Variants in F10 observed in about 807,000 individuals in gnomAD.
F10 encodes Stuart-Prower factor.
F10 carries 29 observed loss-of-function variants against 37.1 expected under a neutral mutation model. The observed-to-expected ratio is 0.78, with a 90% confidence interval of 0.58 to 1.07. The LOEUF (loss-of-function observed/expected upper bound fraction) is 1.07. F10 is among the 50% of genes least tolerant of loss of function. The probability of loss-of-function intolerance (pLI) is 0.00; values close to 1 mark genes in which losing one functional copy is unlikely to be tolerated. For missense variants in F10, 539 were observed against 667.9 expected, an observed-to-expected ratio of 0.81 and a Z score of 2.13; for synonymous variants, 262 against 268.6, an observed-to-expected ratio of 0.98 and a Z score of 0.24.
intron 6 of F10, among the ~76,000 whole-genome samples, chr13:113,145,237 G>C (rs1442035598): frequency 1.3e-5 from 2 of 152,076 alleles, no homozygotes; most frequent in Non-Finnish European, 1.5e-5. Flanking sequence ...TGTTGGCCAG[G>C]CTGGTCTCAA....
chr13:113,133,097 G>A (rs1224942011), intron 2 of F10, among the ~76,000 whole-genome samples: 1 of 152,096 alleles, frequency 6.6e-6, no homozygotes, highest in African/African-American at 2.4e-5. Flanking sequence ...AAAAAGCAGT[G>A]TTTCAAGGGA....
At chr13:113,124,703 T>A (rs1032107097) in intron 1 of F10, among the ~76,000 whole-genome samples, 1 of 152,218 alleles carries the variant, frequency 6.6e-6, no homozygotes, top group African/African-American at 2.4e-5. Context: ...GTCACGGAAG[T>A]TCTTCTGGGG....
At chr13:113,128,777 C>T (rs901328649) in intron 1 of F10, 1 of 151,962 alleles carries the variant, frequency 6.6e-6, no homozygotes, top group African/African-American at 2.4e-5. Flanking sequence ...GTAGAATCTC[C>T]TCCTGAGGCA....
At position 113,129,497 on chromosome 13, in the gene F10, C is replaced by A. The variant is rs775307863; in HGVS notation, c.116C>A (p.Thr39Lys). 1.2e-6 allele frequency: 2 copies of A among 1,613,968 alleles called. No homozygotes were observed. Among genetic ancestry groups the A allele is most frequent in the Non-Finnish European group, 1.7e-6 (2 of 1,180,026 alleles). Residue 39 changes from threonine to lysine, a missense_variant, in exon 2 of 8, where the codon ACG (threonine) becomes AAG (lysine). Thr to Lys is a moderately conservative substitution (Grantham distance 78). Around this residue, in one of 2 missense-constraint regions of F10, gnomAD observed 130 missense variants for 120.0 expected, o/e 1.08. Coordinates refer to ENST00000375559, the MANE Select transcript of F10 (RefSeq NM_000504.4). ...GCCAACAACATCCTGGCGAGGGTCA[C>A]GAGGGCCAATTCCTTTCTTGAAGAG... ...EQANNILARV[T>K]RANSFLEEMK...
chr13:113,142,773 A>T lies in F10; in HGVS notation c.503-1078A>T, dbSNP rs1323627264. ...AAACCCTGTCTCTATAAAAAAAAAA[A>T]TACAAAAACTTAGCTGGGCGTGGTG... On this transcript the variant is annotated intron_variant, in intron 5 of 7. Transcript: ENST00000375559. 1.5e-4 allele frequency among the ~76,000 whole-genome samples: 19 copies of T among 127,692 alleles called. No homozygotes were observed. The East Asian group carries it at 3.9e-3, about 26-fold the overall frequency. The allele number at this position is 127,692 out of a possible 152,430, so 83.8% of individuals were successfully genotyped here.
chr13:113,142,275 C>T (rs1248116069), intron 5 of F10, among the ~76,000 whole-genome samples: 3 of 152,176 alleles, frequency 2.0e-5, no homozygotes, highest in African/African-American at 7.2e-5. Flanking sequence ...GGTGCAGTAG[C>T]TCATGCCTGT....
intron 2 of F10, among the ~76,000 whole-genome samples, chr13:113,133,989 A>G (rs1595090844): frequency 6.6e-6 from 1 of 152,344 alleles, no homozygotes; most frequent in East Asian, 1.9e-4. Context: ...GATTTTATAA[A>G]AAACCTATCA....
rs771556581 is a variant in F10, at chr13:113,143,578, C to T, written c.503-273C>T. Reference sequence around the variant, plus strand: ...GGTGCATTTTCAGGCAAACCGCAGACGCCAACACTCCCCTCGCTGCCTGGG... The same window carrying T: ...GGTGCATTTTCAGGCAAACCGCAGATGCCAACACTCCCCTCGCTGCCTGGG... On this transcript the variant is annotated intron_variant, in intron 5 of 7. Coordinates refer to ENST00000375559, the MANE Select transcript of F10 (RefSeq NM_000504.4). This position sits in a 1 kb window ranked among gnomAD's most constrained non-coding sequence, Gnocchi z 6.8. Among the ~76,000 whole-genome samples, 23 of 152,300 alleles carry T rather than the reference C, an allele frequency of 1.5e-4. No homozygotes were observed. The highest frequency in any genetic ancestry group is 4.3e-4 in the African/African-American group (18 of 41,570).
chr13:113,142,136 TA>T (rs2036534133), intron 5 of F10, among the ~76,000 whole-genome samples: 1 of 152,260 alleles, frequency 6.6e-6, no homozygotes, highest in Non-Finnish European at 1.5e-5. Context: ...CTGACCTTGC[TA>T]CTGGCAATGA....
intron 7 of F10, among the ~76,000 whole-genome samples, chr13:113,148,345 A>ATATATATATATATAT (rs1555396301): frequency 3.1e-5 from 3 of 95,416 alleles, no homozygotes; most frequent in East Asian, 8.5e-4. Flanking sequence ...AAAAAAAAAA[A>ATATATATATATATAT]ATATATATAT....
At chr13:113,145,713 A>G (rs998020250) in intron 6 of F10, among the ~76,000 whole-genome samples, 3 of 152,204 alleles carry the variant, frequency 2.0e-5, no homozygotes, top group Non-Finnish European at 4.4e-5. Context: ...CACGTCTTAC[A>G]TGGCGGCAGC....
Position 113,140,962 on chromosome 13 carries a change from G to A in F10, c.414G>A (p.Gln138=). 3 of 1,614,136 alleles carry A rather than the reference G, an allele frequency of 1.9e-6. No homozygotes were observed. The highest frequency in any genetic ancestry group is 1.7e-6 in the Non-Finnish European group (2 of 1,180,042). Residue 138 remains glutamine, a synonymous_variant, in exon 5 of 8, where the codon CAG becomes CAA. Transcript: ENST00000375559. Reference sequence around the variant, plus strand: ...GCCTGGACAACGGGGACTGTGACCAGTTCTGCCACGAGGAACAGAACTCTG... The same window carrying A: ...GCCTGGACAACGGGGACTGTGACCAATTCTGCCACGAGGAACAGAACTCTG... ...LCSLDNGDCD[Q]FCHEEQNSVV...
In F10 at chr13:113,149,068, C is replaced by G. The variant is rs201421020; in HGVS notation, c.1018C>G (p.Pro340Ala). 1 of 1,613,306 alleles carries G rather than the reference C, an allele frequency of 6.2e-7. No homozygotes were observed. Among genetic ancestry groups the G allele is most frequent in the Non-Finnish European group, 8.5e-7 (1 of 1,180,014 alleles). The change falls in exon 8 of 8, where the codon CCT becomes GCT. Residue 340 changes from proline to alanine, a missense_variant. By Grantham distance (27) the Pro-to-Ala change is conservative (BLOSUM62 -1). Transcript: ENST00000375559. This position sits in a 1 kb window ranked among gnomAD's most constrained non-coding sequence, Gnocchi z 7.5. ...TPITFRMNVA[P>A]ACLPERDWAE... is the part of the protein sequence containing the mutation. Reference sequence around the variant, plus strand: ...CATCACCTTCCGCATGAACGTGGCGCCTGCCTGCCTCCCCGAGCGTGACTG... The same window carrying G: ...CATCACCTTCCGCATGAACGTGGCGGCTGCCTGCCTCCCCGAGCGTGACTG...
At chr13:113,131,491 G>A (rs902371776) in intron 2 of F10, 1 of 152,780 alleles carries the variant, frequency 6.5e-6, no homozygotes, top group South Asian at 2.1e-4. Context: ...TGTGGTAGAA[G>A]AGCTTGAAAA....
At chr13:113,130,619 C>T (rs2036424885) in intron 2 of F10, 3 of 152,272 alleles carry the variant, frequency 2.0e-5, no homozygotes, top group Admixed American at 6.5e-5. Flanking sequence ...TACAGGTCCC[C>T]CAGCGCAGGC....
intron 1 of F10, among the ~76,000 whole-genome samples, chr13:113,127,206 AAAT>A (rs1359578183): frequency 6.6e-6 from 1 of 152,166 alleles, no homozygotes; most frequent in South Asian, 2.1e-4. Flanking sequence ...TGCCAATAAT[AAAT>A]AATAAGTGAC....
chr13:113,140,493 A>T (rs2036517526), intron 4 of F10: 1 of 474,802 alleles, frequency 2.1e-6, no homozygotes, highest in South Asian at 1.5e-5. Context: ...TCCCTGGAAC[A>T]CCATTTGGTA....
In F10 at chr13:113,139,448, C is replaced by T. The variant is rs747030511; in HGVS notation, c.348C>T (p.Phe116=). Residue 116 remains phenylalanine (F), a synonymous_variant, in exon 4 of 8, where the codon TTC becomes TTT. Transcript: ENST00000375559. This position sits in a 1 kb window ranked among gnomAD's most constrained non-coding sequence, Gnocchi z 5.2. ...GEYTCTCLEG[F]EGKNCELFTR... is the part of the protein sequence containing the mutation. The stretch of plus-strand genomic sequence containing the variant: ...ACACCTGCACCTGTTTAGAAGGATT[C>T]GAAGGCAAAAACTGTGAATTATGTA... 56 of 1,613,698 alleles carry T rather than the reference C, an allele frequency of 3.5e-5. No individual in the cohort carries two copies. Among genetic ancestry groups the T allele is most frequent in the Middle Eastern group, 1.6e-4 (1 of 6,082 alleles).
At position 113,135,418 on chromosome 13, in the gene F10, C is replaced by T. The variant is rs2036469499; in HGVS notation, c.232-3039C>T. Among the ~76,000 whole-genome samples, 3 of 152,282 alleles carry T rather than the reference C, an allele frequency of 2.0e-5. No homozygotes were observed. In the South Asian group the frequency reaches 6.2e-4, roughly 32 times the overall value. ...AAGTCCTCCAAGATCAAGAAACCAG[C>T]AGATATGGGGCCTGATGAGGGCCTG... On this transcript the variant is annotated intron_variant, in intron 2 of 7. Coordinates refer to ENST00000375559, the MANE Select transcript of F10 (RefSeq NM_000504.4).
Sources: allele counts gnomAD v4.1 joint callset (sites outside exome capture counted in the v4.1 genomes callset), GRCh38; gene constraint gnomAD v4.1.1; regional missense constraint gnomAD v4.1.1; non-coding constraint Gnocchi (gnomAD v3.1); transcripts MANE v1.5; gene names NCBI Gene and HGNC (gene_info 2026-07-23, HGNC 2026-07-21).